The following SYNPO2 variants were observed in gnomAD, a reference collection of about 807,000 sequenced individuals.
The protein encoded by SYNPO2 is synaptopodin-2.
SYNPO2 carries 56 observed loss-of-function variants against 85.0 expected under a neutral mutation model. The observed-to-expected ratio is 0.66, with a 90% CI of 0.53 to 0.82. The LOEUF (loss-of-function observed/expected upper bound fraction) is 0.82, where lower values mean the gene tolerates loss of function less well. Among genes scored for constraint, SYNPO2 ranks in the 40% least tolerant of loss-of-function variants. SYNPO2 has a pLI of 0.00. For synonymous variants in SYNPO2, 602 were observed against 591.1 expected (o/e 1.02, Z -0.27); for missense variants, 1,575 against 1,534.2 (o/e 1.03, Z -0.44).
intron 4 of SYNPO2, chr4:119,033,135 C>A: frequency 1.0e-6 from 1 of 985,404 alleles, no homozygotes; most frequent in Non-Finnish European, 1.2e-6. Flanking sequence ...TGAAGGTTTA[C>A]TGACTGACTA....
rs1736575217 is a variant in SYNPO2 at position 118,995,903 on chromosome 4, T to TATCA, written c.106-27526_106-27523dup. 3.4e-5 allele frequency among the ~76,000 whole-genome samples: 5 copies of TATCA among 146,524 alleles called. No homozygotes were observed. In the South Asian group the frequency reaches 1.1e-3, roughly 32 times the overall value. The stretch of plus-strand genomic sequence containing the variant: ...CTATCTATCTATCTATCTATCTATC[T>TATCA]ATCATCTATCTAATTTTGCTTTTTT... On this transcript the variant is annotated intron_variant, in intron 1 of 4. Coordinates refer to ENST00000307142, the MANE Select transcript of SYNPO2 (RefSeq NM_133477.3).
intron 1 of SYNPO2, among the ~76,000 whole-genome samples, chr4:118,993,574 C>T (rs1209434455): frequency 6.6e-6 from 1 of 152,150 alleles, no homozygotes; most frequent in Non-Finnish European, 1.5e-5. Flanking sequence ...TCCCTCCTTC[C>T]TTCTCCACTT....
chr4:118,945,703 A>G (rs1002339347), intron 1 of SYNPO2, among the ~76,000 whole-genome samples: 5 of 152,164 alleles, frequency 3.3e-5, no homozygotes, highest in Admixed American at 2.0e-4. Flanking sequence ...AGTTTTTCTT[A>G]TAGCTGTCTT....
At chr4:118,949,628 A>G (rs1734628972) in intron 1 of SYNPO2, among the ~76,000 whole-genome samples, 1 of 151,984 alleles carries the variant, frequency 6.6e-6, no homozygotes, top group African/African-American at 2.4e-5. Context: ...ACATGCCTAT[A>G]ATCCCAGCTA....
intron 1 of SYNPO2, among the ~76,000 whole-genome samples, chr4:118,972,897 A>G (rs1017859528): frequency 3.9e-5 from 6 of 152,222 alleles, no homozygotes; most frequent in Non-Finnish European, 7.3e-5. Context: ...TCAGAAATAC[A>G]TATTTTGTAA....
At chr4:119,045,929 A>C (rs1738857321) in intron 4 of SYNPO2, among the ~76,000 whole-genome samples, 2 of 152,208 alleles carry the variant, frequency 1.3e-5, no homozygotes, top group Admixed American at 6.5e-5. Flanking sequence ...TTCTGTTAAC[A>C]GAGTTAATGC....
intron 1 of SYNPO2, among the ~76,000 whole-genome samples, chr4:118,890,308 A>G (rs1244484797): frequency 2.0e-5 from 3 of 152,090 alleles, no homozygotes; most frequent in Non-Finnish European, 4.4e-5. Context: ...TCAAGAATGA[A>G]CCATAAAACA....
chr4:118,908,053 C>A (rs1244098270), intron 1 of SYNPO2, among the ~76,000 whole-genome samples: 1 of 152,002 alleles, frequency 6.6e-6, no homozygotes, highest in Non-Finnish European at 1.5e-5. Context: ...TAGGTTATTT[C>A]TAATTTTTAA....
intron 1 of SYNPO2, among the ~76,000 whole-genome samples, chr4:118,877,883 C>T (rs1281365843): frequency 6.6e-6 from 1 of 152,168 alleles, no homozygotes; most frequent in African/African-American, 2.4e-5. Context: ...ATAAATTGTT[C>T]TACCATAAAG....
intron 1 of SYNPO2, among the ~76,000 whole-genome samples, chr4:118,874,421 C>G (rs1159951549): frequency 1.3e-5 from 2 of 152,096 alleles, no homozygotes; most frequent in African/African-American, 4.8e-5. Flanking sequence ...AAATTAATCC[C>G]TGTTAAAAGG....
intron 1 of SYNPO2, among the ~76,000 whole-genome samples, chr4:119,022,486 C>CT (rs56655660): frequency 0.68 from 97,034 of 143,400 alleles, 32,849 homozygotes; most frequent in Middle Eastern, 0.72. Context: ...CACCACCAAG[C>CT]GGGCTAATTT....
intron 4 of SYNPO2, among the ~76,000 whole-genome samples, chr4:119,052,533 C>T (rs1001905226): frequency 1.3e-5 from 2 of 152,182 alleles, no homozygotes; most frequent in Non-Finnish European, 2.9e-5. Context: ...AAACTTTCTT[C>T]TCCTCTTTTA....
chr4:118,879,247 C>T (rs1275294444), intron 1 of SYNPO2, among the ~76,000 whole-genome samples: 2 of 152,158 alleles, frequency 1.3e-5, no homozygotes, highest in East Asian at 1.9e-4. Flanking sequence ...GTCAGGGAGA[C>T]CATGAACCCA....
At chr4:118,881,789 C>T (rs981952350) in intron 1 of SYNPO2, among the ~76,000 whole-genome samples, 1 of 152,208 alleles carries the variant, frequency 6.6e-6, no homozygotes, top group African/African-American at 2.4e-5. Context: ...CGTTCTCTCC[C>T]TCTTTGGAAT....
rs554361802 is a variant in SYNPO2 at position 119,035,050 on chromosome 4, G to T, written c.3252+3023G>T. On this transcript the variant is annotated intron_variant, in intron 4 of 4. Transcript: ENST00000307142. The stretch of plus-strand genomic sequence containing the variant: ...CGGTTTTCATTGCCAGCTCAAGAGC[G>T]ACAATCATTTACGAGTTCCTATGTT... 12 of 985,452 alleles carry T rather than the reference G, an allele frequency of 1.2e-5. No homozygotes were observed. The South Asian group carries it at 5.6e-4, about 46-fold the overall frequency. 61.0% of individuals were successfully genotyped at this position (985,452 alleles called of 1,614,324 possible).
At chr4:118,887,312 T>C (rs541063733), upstream of SYNPO2, among the ~76,000 whole-genome samples, 95 of 151,942 alleles carry the variant, frequency 6.3e-4, no homozygotes, top group African/African-American at 2.1e-3. Flanking sequence ...AATAAGTGGG[T>C]TGGAGGAGGA....
Position 119,031,161 on chromosome 4 carries a change from A to G in SYNPO2, c.2386A>G (p.Asn796Asp). 6.2e-7 allele frequency: 1 copy of G among 1,614,014 alleles called. No homozygotes were observed. The highest frequency in any genetic ancestry group is 1.7e-5 in the Admixed American group (1 of 60,006). ...CCAACCTCCTGCCTTCCCCACATCC[A>G]ACCCATCAAAGGGCACCGTTGTCTC... is the stretch of plus-strand genomic sequence containing the variant. ...PTQPPAFPTS[N>D]PSKGTVVSSI... Residue 796 changes from asparagine to aspartate, a missense_variant, in exon 4 of 5, where the codon AAC becomes GAC. By Grantham distance (23) the Asn-to-Asp change is conservative (BLOSUM62 1). This residue lies in a region of SYNPO2 where 1,508 missense variants were observed against 1,446.8 expected (regional missense o/e 1.04). Coordinates refer to ENST00000307142, the MANE Select transcript of SYNPO2 (RefSeq NM_133477.3).
At chr4:118,938,520 A>G (rs1226778098) in intron 1 of SYNPO2, among the ~76,000 whole-genome samples, 3 of 152,322 alleles carry the variant, frequency 2.0e-5, no homozygotes, top group South Asian at 2.1e-4. Context: ...ATTGTAGGCA[A>G]AAGTCAGTAG....
At chr4:118,900,703 C>CTCTCTCTCTCTATA (rs1277981772) in intron 1 of SYNPO2, among the ~76,000 whole-genome samples, 66 of 43,856 alleles carry the variant, frequency 1.5e-3, no homozygotes, top group East Asian at 3.1e-3. Context: ...CTCTCTCTCT[C>CTCTCTCTCTCTATA]TATATATATA....
Sources: gnomAD v4.1 joint callset for allele counts (sites outside exome capture counted in the v4.1 genomes callset) on GRCh38, gnomAD v4.1.1 for gene constraint, gnomAD v4.1.1 regional missense constraint, MANE v1.5 for transcripts, NCBI Gene and HGNC (gene_info 2026-07-23, HGNC 2026-07-21) for gene names.